VSIG8: variants seen among roughly 807,000 people sequenced by gnomAD.
VSIG8 encodes V-set and immunoglobulin domain containing 8, also known as V-set and immunoglobulin domain-containing protein 8.
VSIG8 carries 32 observed loss-of-function variants against 42.6 expected under a neutral mutation model. The ratio of observed to expected loss-of-function variants is 0.75; its 90% CI spans 0.57 to 1.01. The LOEUF is 1.01. Ranked by LOEUF, VSIG8 falls within the 50% of genes least tolerant of loss-of-function variation. The pLI, the probability that VSIG8 is intolerant of heterozygous loss-of-function variation, is 0.00. For missense variants in VSIG8, 529 were observed against 558.0 expected (o/e 0.95, Z 0.52); for synonymous variants, 290 against 243.8 (o/e 1.19, Z -1.77).
chr1:159,859,034 T>A (rs890909175), intron 1 of VSIG8, 122 bp from the exon 2 acceptor site: 1 of 1,038,004 alleles, frequency 9.6e-7, no homozygotes, highest in South Asian at 1.7e-5. Flanking sequence ...AGTGCTTTCA[T>A]AAAAAGGAGG....
chr1:159,855,774 G>C, intron 6 of VSIG8, 109 bp downstream of exon 6: 2 of 1,420,804 alleles, frequency 1.4e-6, no homozygotes, highest in Non-Finnish European at 1.8e-6. Context: ...TGGCGATGGC[G>C]GGCAGGGTTG....
Position 159,858,820 on chromosome 1 carries a change from G to A in VSIG8, c.142C>T (p.Leu48=). 1 of 1,614,134 alleles carries A rather than the reference G, an allele frequency of 6.2e-7. No individual in the cohort carries two copies. The highest frequency in any genetic ancestry group is 8.5e-7 in the Non-Finnish European group (1 of 1,180,018). Residue 48 remains leucine, a synonymous_variant, in exon 2 of 7, where the codon CTG becomes TTG. Coordinates refer to ENST00000368100, the MANE Select transcript of VSIG8 (RefSeq NM_001013661.1). ...DNVRLGCPYV[L]DPEDYGPNGL... ...TTGGGACCATAGTCCTCAGGGTCCA[G>A]GACGTAGGGGCAGCCCAGCCTCACA...
intron 1 of VSIG8, chr1:159,860,864 G>A (rs1381984671): frequency 6.6e-6 from 1 of 152,330 alleles, no homozygotes; most frequent in African/African-American, 2.4e-5. Flanking sequence ...CAGGGAGAGG[G>A]GCTTGGGAAG....
At chr1:159,857,451 T>C (rs7512478) in intron 4 of VSIG8, among the ~76,000 whole-genome samples, 18,980 of 151,918 alleles carry the variant, frequency 0.12, 1,745 homozygotes, top group African/African-American at 0.26. Flanking sequence ...GGTGCATGCC[T>C]GTAATCCCAG....
Position 159,854,791 on chromosome 1 carries a change from C to T in VSIG8, c.1207G>A (p.Glu403Lys), listed in dbSNP as rs1200630871. 46 of 1,503,918 alleles carry T rather than the reference C, an allele frequency of 3.1e-5. No homozygotes were observed. Among genetic ancestry groups the T allele is most frequent in the Non-Finnish European group, 3.7e-5 (42 of 1,133,820 alleles). 93.2% of individuals were successfully genotyped at this position (1,503,918 alleles called of 1,614,324 possible). The change falls in exon 7 of 7, where the codon GAG becomes AAG. Residue 403 changes from glutamate to lysine, a missense_variant. Transcript: ENST00000368100. ...CCGTTCTTGCACTGCACCGGCCCCT[C>T]GGCGCAGTCAGCCGGCTCCGCGCTC... ...VKSAEPADCA[E>K]GPVQCKNGLL...
intron 6 of VSIG8, 101 bp from the exon 7 acceptor site, chr1:159,855,127 C>T (rs752476158): frequency 9.0e-6 from 14 of 1,551,198 alleles, no homozygotes; most frequent in Non-Finnish European, 1.1e-5. Flanking sequence ...TCTTGTCTCC[C>T]GCGCCTCCCT....
intron 6 of VSIG8, 92 bp from the exon 7 acceptor site, chr1:159,855,118 C>T: frequency 1.3e-6 from 2 of 1,551,586 alleles, no homozygotes; most frequent in Non-Finnish European, 8.7e-7. Context: ...TTGGCAACCT[C>T]TTGTCTCCCG....
Position 159,854,422 on chromosome 1 carries a change from G to A in VSIG8, c.*331C>T, listed in dbSNP as rs1157369265. The A allele has an allele frequency of 1.7e-5, 5 of 302,648 alleles. No individual in the cohort carries two copies. In the East Asian group the frequency reaches 3.3e-4, roughly 20 times the overall value. 18.7% of individuals were successfully genotyped at this position (302,648 alleles called of 1,614,324 possible). On this transcript the variant is annotated 3_prime_UTR_variant, in exon 7 of 7. Transcript: ENST00000368100. ...GACCCCCACCCACCCGGCCCCCGGGGCCCTCTGCTTAGGCTGGGGACACCA... is the reference window on the plus strand; with the variant it reads ...GACCCCCACCCACCCGGCCCCCGGGACCCTCTGCTTAGGCTGGGGACACCA...
At chr1:159,857,718 G>T in intron 4 of VSIG8, 27 bp downstream of exon 4, 2 of 1,601,362 alleles carry the variant, frequency 1.2e-6, no homozygotes, top group South Asian at 2.2e-5. Context: ...ACTCACCCCC[G>T]ACTGCCCTCA....
intron 4 of VSIG8, among the ~76,000 whole-genome samples, 191 bp downstream of exon 4, chr1:159,857,554 A>C (rs1223318888): frequency 6.7e-6 from 1 of 150,204 alleles, no homozygotes; most frequent in Non-Finnish European, 1.5e-5. Context: ...CAGCTTGGGC[A>C]ACAAGAGCGA....
Position 159,854,843 on chromosome 1 carries a change from G to T in VSIG8, c.1155C>A (p.Gly385=). 1 of 1,486,196 alleles carries T rather than the reference G, an allele frequency of 6.7e-7. No homozygotes were observed. The allele number at this position is 1,486,196 out of a possible 1,614,324, so 92.1% of individuals were successfully genotyped here. A position where few individuals can be genotyped will look rare whatever the true frequency, so the allele number is the denominator to read the frequency against. ...TGACCTTGACGTAGACCGGGGAGGG[G>T]CCCGCTTCGCAGGCGGCGGCGGCGG... ...PCTAAAACEA[G]PSPVYVKVKS... Residue 385 remains glycine (G), a synonymous_variant, in exon 7 of 7, where the codon GGC becomes GGA. Transcript: ENST00000368100.
At chr1:159,855,338 G>C in intron 6 of VSIG8, 2 of 1,489,714 alleles carry the variant, frequency 1.3e-6, no homozygotes, top group Non-Finnish European at 1.8e-6. Context: ...CCCAGAAGAA[G>C]GTGCTTTTCC....
chr1:159,855,129 C>T (rs1452508287), intron 6 of VSIG8, 103 bp from the exon 7 acceptor site: 2 of 1,551,190 alleles, frequency 1.3e-6, no homozygotes, highest in East Asian at 2.4e-5. Context: ...TTGTCTCCCG[C>T]GCCTCCCTCC....
In VSIG8 at chr1:159,858,082, G is replaced by T. The variant is rs773263677; in HGVS notation, c.430+8C>A. 1 of 1,614,204 alleles carries T rather than the reference G, an allele frequency of 6.2e-7. No individual in the cohort carries two copies. Among genetic ancestry groups the T allele is most frequent in the South Asian group, 1.1e-5 (1 of 91,076 alleles). On this transcript the variant is annotated splice_region_variant and intron_variant, in intron 3 of 6. Transcript: ENST00000368100. ...GGGGGAGAGGAGCTTAGAGGAGTCT[G>T]GCCATACCTTGGACAGTGACAATGA...
At chr1:159,857,575 C>CAAAAA (rs10683798) in intron 4 of VSIG8, among the ~76,000 whole-genome samples, 170 bp downstream of exon 4, 7 of 121,214 alleles carry the variant, frequency 5.8e-5, no homozygotes, top group Non-Finnish European at 6.8e-5. Context: ...AACTCTGTCT[C>CAAAAA]AAAAAAAAAA....
Position 159,854,993 on chromosome 1 carries a change from G to A in VSIG8, c.1005C>T (p.Ser335=), listed in dbSNP as rs777746082. The part of the protein sequence containing the change: ...EDAVAPGCKA[S]GRGSRVTHLL... ...GGTGGGTGACGCGGCTGCCGCGCCC[G>A]CTGGCCTTGCACCCGGGCGCCACGG... The change falls in exon 7 of 7, where the codon AGC becomes AGT. Residue 335 remains serine (S), a synonymous_variant. Coordinates refer to ENST00000368100, the MANE Select transcript of VSIG8 (RefSeq NM_001013661.1). 3 of 1,560,304 alleles carry A rather than the reference G, an allele frequency of 1.9e-6. No individual in the cohort carries two copies. The highest frequency in any genetic ancestry group is 1.8e-5 in the Admixed American group (1 of 54,084).
Position 159,854,652 on chromosome 1 carries a change from G to A in VSIG8, c.*101C>T. 7.4e-7 allele frequency: 1 copy of A among 1,347,812 alleles called. No individual in the cohort carries two copies. The highest frequency in any genetic ancestry group is 9.5e-7 in the Non-Finnish European group (1 of 1,055,512). The allele number at this position is 1,347,812 out of a possible 1,614,324, so 83.5% of individuals were successfully genotyped here. On this transcript the variant is annotated 3_prime_UTR_variant, in exon 7 of 7. Transcript: ENST00000368100. ...CACCCCCAGCCGCCTGGCAGCCTGG[G>A]GCGAGCGAGGTCGTCCCCAGCCCCG...
chr1:159,857,963 C>T lies in VSIG8; in HGVS notation c.434G>A (p.Arg145Gln), dbSNP rs79128166. The change falls in exon 4 of 7, where the codon CGA (arginine) becomes CAA (glutamine). Residue 145 changes from arginine (R) to glutamine (Q), a missense_variant. Physicochemically the swap from Arg to Gln is conservative, Grantham distance 43. Coordinates refer to ENST00000368100, the MANE Select transcript of VSIG8 (RefSeq NM_001013661.1). ...TGTCCAGCACATGGGCACTGCAGGT[C>T]GTGCTGCAAGGAGGCAGACAATTGT... ...TRKVIVTVQA[R>Q]PAVPMCWTEG... 1.3e-4 allele frequency: 215 copies of T among 1,613,704 alleles called. 2 individuals carry two copies. The East Asian group carries it at 3.0e-3, about 22-fold the overall frequency.
chr1:159,859,015 G>C, intron 1 of VSIG8, 103 bp from the exon 2 acceptor site: 1 of 1,249,846 alleles, frequency 8.0e-7, no homozygotes, highest in African/African-American at 1.5e-5. Flanking sequence ...ACGGCACCCA[G>C]AGGTCAGCAG....
Sources: allele counts gnomAD v4.1 joint callset (sites outside exome capture counted in the v4.1 genomes callset), GRCh38; gene constraint gnomAD v4.1.1; transcripts MANE v1.5; gene names NCBI Gene and HGNC (gene_info 2026-07-23, HGNC 2026-07-21).